Variants in ARHGAP19 observed in about 807,000 individuals in gnomAD.
The protein encoded by ARHGAP19 is Rho GTPase activating protein 19.
ARHGAP19 carries 48 observed loss-of-function variants against 60.9 expected under a neutral mutation model. The observed-to-expected ratio is 0.79, with a 90% confidence interval of 0.62 to 1.00. The LOEUF is 1.00. Among genes scored for constraint, ARHGAP19 ranks in the 50% least tolerant of loss-of-function variants. The probability of loss-of-function intolerance (pLI) is 0.00; values close to 1 mark genes in which losing one functional copy is unlikely to be tolerated. For missense variants in ARHGAP19, 562 were observed against 597.2 expected (o/e 0.94, Z 0.61); for synonymous variants, 209 against 215.5 (o/e 0.97, Z 0.27).
rs190413302 is a variant in ARHGAP19 at position 97,244,617 on chromosome 10, C to T, written c.994-458G>A. On this transcript the variant is annotated intron_variant, in intron 7 of 11. Transcript: ENST00000358531. ...CTGACTCTTGGCTAATACTCCTTCC[C>T]ACACATGGCAACTTAATACGACAAC... Among the ~76,000 whole-genome samples, 423 of 152,296 alleles carry T rather than the reference C, an allele frequency of 2.8e-3. 2 individuals carry two copies. The highest frequency in any genetic ancestry group is 3.5e-3 in the Non-Finnish European group (239 of 68,030).
intron 1 of ARHGAP19, among the ~76,000 whole-genome samples, chr10:97,269,584 CAAG>C (rs1436783252): frequency 6.6e-6 from 1 of 152,098 alleles, no homozygotes; most frequent in Non-Finnish European, 1.5e-5. Flanking sequence ...TTATTTCAGT[CAAG>C]AAGCACGGGT....
At chr10:97,287,345 C>G (rs1469780092) in intron 1 of ARHGAP19, among the ~76,000 whole-genome samples, 2 of 152,170 alleles carry the variant, frequency 1.3e-5, no homozygotes, top group Non-Finnish European at 2.9e-5. Context: ...TTTAAAGGAC[C>G]ATTCTACTTA....
chr10:97,250,799 C>T (rs973701366), intron 6 of ARHGAP19, among the ~76,000 whole-genome samples: 1 of 152,004 alleles, frequency 6.6e-6, no homozygotes, highest in Non-Finnish European at 1.5e-5. Flanking sequence ...AGAGCGGTGG[C>T]TCATGCCTGT....
chr10:97,242,016 A>T (rs1231042744), intron 8 of ARHGAP19, among the ~76,000 whole-genome samples: 2 of 148,364 alleles, frequency 1.3e-5, no homozygotes, highest in African/African-American at 5.0e-5. Flanking sequence ...CCTCAAAAAA[A>T]AAAAAAAATA....
intron 6 of ARHGAP19, among the ~76,000 whole-genome samples, chr10:97,248,909 C>G (rs1175857702): frequency 6.6e-6 from 1 of 152,084 alleles, no homozygotes; most frequent in East Asian, 1.9e-4. Context: ...CCTCCACCTC[C>G]CGGGCTCAAG....
chr10:97,249,473 G>A (rs9645561), intron 6 of ARHGAP19, among the ~76,000 whole-genome samples: 6,590 of 152,150 alleles, frequency 0.043, 212 homozygotes, highest in Non-Finnish European at 0.061. Context: ...CTGTAGACCT[G>A]GCTTCTACTT....
rs145032100 is a variant in ARHGAP19 at position 97,246,304 on chromosome 10, G to A, written c.961C>T (p.His321Tyr). 5,726 of 1,613,792 alleles carry A rather than the reference G, an allele frequency of 3.5e-3. 22 individuals are homozygous for A. Among genetic ancestry groups the A allele is most frequent in the Non-Finnish European group, 3.8e-3 (4,431 of 1,179,878 alleles). ...GCCTGAGTTCTGGATCCCAAATAGT[G>A]CAATCTCGCACACTCCCGAATGTAA... is the stretch of plus-strand genomic sequence containing the variant. The part of the protein sequence containing the change: ...PAYIRECARL[H>Y]YLGSRTQASK... The change falls in exon 7 of 12, where the codon CAC becomes TAC. Residue 321 changes from histidine (H) to tyrosine (Y), a missense_variant. By Grantham distance (83) the His-to-Tyr change is moderately conservative (BLOSUM62 2). Transcript: ENST00000358531.
Position 97,257,707 on chromosome 10 carries a change from G to A in ARHGAP19, c.841-1303C>T, listed in dbSNP as rs188843327. Among the ~76,000 whole-genome samples the A allele has an allele frequency of 2.2e-4, 33 of 152,226 alleles. No homozygotes were observed. The East Asian group carries it at 6.2e-3, about 28-fold the overall frequency. ...CTCCTTAATATGGACAAATGTTGAT[G>A]TGTCTTCTGCTCCCCCTACTCACCC... is the stretch of plus-strand genomic sequence containing the variant. On this transcript the variant is annotated intron_variant, in intron 5 of 11. Coordinates refer to ENST00000358531, the MANE Select transcript of ARHGAP19 (RefSeq NM_032900.6).
In ARHGAP19 at chr10:97,225,991, G is replaced by A; in HGVS notation, c.*131C>T. The A allele has an allele frequency of 1.1e-6, 1 of 928,428 alleles. No homozygotes were observed. The highest frequency in any genetic ancestry group is 1.7e-6 in the Non-Finnish European group (1 of 595,704). The allele number at this position is 928,428 out of a possible 1,614,324, so 57.5% of individuals were successfully genotyped here. ...GGTTAGAGGTATCAGTCGGGTCACG[G>A]TATTAGTTGGCTTTGACAATTCAAA... On this transcript the variant is annotated 3_prime_UTR_variant, in exon 12 of 12. Coordinates refer to ENST00000358531, the MANE Select transcript of ARHGAP19 (RefSeq NM_032900.6).
intron 6 of ARHGAP19, among the ~76,000 whole-genome samples, chr10:97,253,689 T>C (rs1348034322): frequency 1.3e-5 from 2 of 152,224 alleles, no homozygotes; most frequent in Non-Finnish European, 2.9e-5. Flanking sequence ...ATGTGATGGA[T>C]ACTCTACATA....
At chr10:97,289,540 T>C (rs1157389809) in intron 1 of ARHGAP19, among the ~76,000 whole-genome samples, 1 of 152,128 alleles carries the variant, frequency 6.6e-6, no homozygotes. Context: ...GGCAATATAC[T>C]ATAAAGAAAT....
chr10:97,253,139 A>G (rs1842709496), intron 6 of ARHGAP19, among the ~76,000 whole-genome samples: 1 of 152,130 alleles, frequency 6.6e-6, no homozygotes, highest in Non-Finnish European at 1.5e-5. Flanking sequence ...CTGTAATCCC[A>G]GCACTTTGGG....
intron 8 of ARHGAP19, among the ~76,000 whole-genome samples, chr10:97,239,984 G>A (rs1842453215): frequency 6.6e-6 from 1 of 152,056 alleles, no homozygotes; most frequent in South Asian, 2.1e-4. Context: ...TGGGGTTACA[G>A]GCATGAGCCA....
Position 97,263,419 on chromosome 10 carries a change from C to A in ARHGAP19, c.613+1G>T. 1.2e-6 allele frequency: 2 copies of A among 1,613,952 alleles called. No homozygotes were observed. Among genetic ancestry groups the A allele is most frequent in the Non-Finnish European group, 8.5e-7 (1 of 1,179,868 alleles). The stretch of plus-strand genomic sequence containing the variant: ...ATCTCCTTCTTACTTCCTATACTCA[C>A]CAGCGATTTTGAGGTGTGCATTGAA... On this transcript the variant is annotated splice_donor_variant, in intron 4 of 11. Transcript: ENST00000358531. LOFTEE classifies it high-confidence loss of function.
chr10:97,265,793 T>C (rs1353004181), intron 2 of ARHGAP19, 67 bp downstream of exon 2: 1 of 1,557,780 alleles, frequency 6.4e-7, no homozygotes, highest in East Asian at 2.3e-5. Context: ...GGTGAATGTG[T>C]AGATGTTGAG....
chr10:97,249,783 ATAG>A (rs1178884417), intron 6 of ARHGAP19, among the ~76,000 whole-genome samples: 2 of 150,562 alleles, frequency 1.3e-5, no homozygotes, highest in Non-Finnish European at 2.9e-5. Context: ...AGATGTGATA[ATAG>A]TAGTGTGATT....
At chr10:97,286,971 A>T (rs1843164617) in intron 1 of ARHGAP19, among the ~76,000 whole-genome samples, 2 of 152,070 alleles carry the variant, frequency 1.3e-5, no homozygotes, top group African/African-American at 4.8e-5. Context: ...TTGTTTGTAC[A>T]GGGTCTCACT....
chr10:97,280,654 T>C (rs983769128), intron 1 of ARHGAP19, among the ~76,000 whole-genome samples: 1 of 151,980 alleles, frequency 6.6e-6, no homozygotes, highest in East Asian at 1.9e-4. Flanking sequence ...GCAATCATAG[T>C]TCACTTCAGC....
chr10:97,254,557 A>G (rs1348140463), intron 6 of ARHGAP19, among the ~76,000 whole-genome samples: 1 of 152,212 alleles, frequency 6.6e-6, no homozygotes, highest in Non-Finnish European at 1.5e-5. Context: ...AGACATAAAC[A>G]TAAGACCTAA....
Sources: allele counts gnomAD v4.1 joint callset (sites outside exome capture counted in the v4.1 genomes callset), GRCh38; gene constraint gnomAD v4.1.1; transcripts MANE v1.5; gene names NCBI Gene and HGNC (gene_info 2026-07-23, HGNC 2026-07-21).